The following ZNF280D variants were observed in gnomAD, a reference collection of about 807,000 sequenced individuals.
ZNF280D encodes zinc finger protein 280D.
ZNF280D carries 39 observed loss-of-function variants against 94.7 expected under a neutral mutation model. That is an observed-to-expected ratio of 0.41 (90% CI 0.32 to 0.54). The LOEUF (loss-of-function observed/expected upper bound fraction) is 0.54, where lower values mean the gene tolerates loss of function less well. ZNF280D is among the 20% of genes least tolerant of loss of function. The pLI, the probability that ZNF280D is intolerant of heterozygous loss-of-function variation, is 0.22. For synonymous variants in ZNF280D, 398 were observed against 377.6 expected (o/e 1.05, Z -0.63); for missense variants, 1,090 against 1,149.3 (o/e 0.95, Z 0.75).
intron 13 of ZNF280D, among the ~76,000 whole-genome samples, chr15:56,675,547 A>T (rs1395140383): frequency 6.6e-6 from 1 of 151,962 alleles, no homozygotes; most frequent in Admixed American, 6.6e-5. Context: ...GGGAGACTTG[A>T]GAGATTTACA....
chr15:56,710,648 CTTA>C (rs1204969660), intron 1 of ZNF280D, among the ~76,000 whole-genome samples: 1 of 151,518 alleles, frequency 6.6e-6, no homozygotes, highest in East Asian at 2.0e-4. Context: ...TAAACTGTAT[CTTA>C]TTTTTTCTAT....
chr15:56,683,342 A>G (rs2055769071), intron 9 of ZNF280D, among the ~76,000 whole-genome samples: 1 of 152,040 alleles, frequency 6.6e-6, no homozygotes, highest in South Asian at 2.1e-4. Flanking sequence ...TTAAGAGATG[A>G]GAACCAAGCT....
rs2057254828 is a variant in ZNF280D at position 56,704,065 on chromosome 15, T to C, written c.175+56A>G. On this transcript the variant is annotated intron_variant, in intron 4 of 21. Transcript: ENST00000267807. ...CTACCTATTAAACAGTTCACAAGTTTTTCTACTAGAAATAATACCTTATAA... is the reference window on the plus strand; with the variant it reads ...CTACCTATTAAACAGTTCACAAGTTCTTCTACTAGAAATAATACCTTATAA... 1.9e-6 allele frequency: 3 copies of C among 1,594,428 alleles called. No homozygotes were observed. The Admixed American group carries it at 5.3e-5, about 28-fold the overall frequency.
intron 4 of ZNF280D, among the ~76,000 whole-genome samples, 193 bp downstream of exon 4, chr15:56,703,928 T>C (rs2057243668): frequency 6.6e-6 from 1 of 152,112 alleles, no homozygotes; most frequent in Admixed American, 6.5e-5. Context: ...ACCTCCAGGG[T>C]CACCAGCTAA....
chr15:56,677,521 C>T, intron 12 of ZNF280D, 53 bp downstream of exon 12: 2 of 1,372,548 alleles, frequency 1.5e-6, no homozygotes, highest in South Asian at 2.3e-5. Flanking sequence ...AATTTTATAA[C>T]CAAAACAACA....
chr15:56,679,669 A>G (rs1234477798), intron 10 of ZNF280D, among the ~76,000 whole-genome samples: 2 of 152,214 alleles, frequency 1.3e-5, no homozygotes, highest in Non-Finnish European at 2.9e-5. Context: ...AAAAACAATA[A>G]TTTTTAGACT....
intron 20 of ZNF280D, among the ~76,000 whole-genome samples, chr15:56,637,632 C>A (rs2052419011): frequency 6.6e-6 from 1 of 152,120 alleles, no homozygotes; most frequent in Admixed American, 6.5e-5. Context: ...TAATTCATAT[C>A]ATCCGTTTCC....
intron 1 of ZNF280D, among the ~76,000 whole-genome samples, 194 bp from the exon 2 acceptor site, chr15:56,707,500 A>G (rs2057480277): frequency 6.6e-6 from 1 of 152,180 alleles, no homozygotes; most frequent in Non-Finnish European, 1.5e-5. Flanking sequence ...CTTGGCACTT[A>G]ATACTCGAAG....
intron 6 of ZNF280D, among the ~76,000 whole-genome samples, chr15:56,696,426 G>T (rs966281675): frequency 3.3e-5 from 5 of 152,136 alleles, no homozygotes; most frequent in Non-Finnish European, 7.4e-5. Flanking sequence ...GTAAACTAAG[G>T]TTAGGTGGGG....
At chr15:56,658,695 G>C (rs530086378) in intron 16 of ZNF280D, among the ~76,000 whole-genome samples, 6 of 151,796 alleles carry the variant, frequency 4.0e-5, no homozygotes, top group African/African-American at 1.2e-4. Flanking sequence ...TATTTTCCTA[G>C]GCATATTCTT....
intron 1 of ZNF280D, among the ~76,000 whole-genome samples, chr15:56,725,557 T>C (rs1285043913): frequency 2.0e-5 from 3 of 152,132 alleles, no homozygotes; most frequent in Non-Finnish European, 4.4e-5. Context: ...ATTCAACCTG[T>C]TGCACTACAC....
At chr15:56,673,682 A>G (rs978866129) in intron 13 of ZNF280D, among the ~76,000 whole-genome samples, 1 of 151,862 alleles carries the variant, frequency 6.6e-6, no homozygotes, top group East Asian at 1.9e-4. Context: ...CCTGCATTCT[A>G]TTGCTATAAC....
chr15:56,671,182 C>T (rs2054840125), intron 13 of ZNF280D, among the ~76,000 whole-genome samples: 1 of 152,018 alleles, frequency 6.6e-6, no homozygotes, highest in South Asian at 2.1e-4. Context: ...AATTAGATCT[C>T]ATGTGTCAAT....
At chr15:56,698,740 T>G (rs984426764) in intron 6 of ZNF280D, 10 of 152,156 alleles carry the variant, frequency 6.6e-5, no homozygotes, top group African/African-American at 1.9e-4. Context: ...AAGGACTCAC[T>G]CTCACCTGCT....
At position 56,722,240 on chromosome 15, in the gene ZNF280D, AAT is replaced by A. The variant is rs2058405819; in HGVS notation, c.-86+11216_-86+11217del. On this transcript the variant is annotated intron_variant, in intron 1 of 21. Coordinates refer to ENST00000267807, the MANE Select transcript of ZNF280D (RefSeq NM_017661.4). ...TCACTGATCAGAAATCACCATAACAAATATAATAATTTAAAGTCTGAAATATT... is the reference window on the plus strand; with the variant it reads ...TCACTGATCAGAAATCACCATAACAAATAATAATTTAAAGTCTGAAATATT... 2.0e-5 allele frequency among the ~76,000 whole-genome samples: 3 copies of A among 152,324 alleles called. No individual in the cohort carries two copies. In the South Asian group the frequency reaches 6.2e-4, roughly 32 times the overall value.
intron 5 of ZNF280D, 32 bp from the exon 6 acceptor site, chr15:56,701,104 T>G (rs200236825): frequency 6.2e-7 from 1 of 1,612,476 alleles, no homozygotes. Flanking sequence ...TATATGGAAA[T>G]TATTTGTACA....
At chr15:56,685,749 C>T (rs886227284) in intron 9 of ZNF280D, among the ~76,000 whole-genome samples, 2 of 152,094 alleles carry the variant, frequency 1.3e-5, no homozygotes, top group African/African-American at 2.4e-5. Context: ...GAGAACAAAA[C>T]TACAACTCTC....
At chr15:56,681,399 A>G (rs1341392068) in intron 10 of ZNF280D, among the ~76,000 whole-genome samples, 1 of 152,212 alleles carries the variant, frequency 6.6e-6, no homozygotes, top group Non-Finnish European at 1.5e-5. Flanking sequence ...GATAGTTCTA[A>G]GAAGGATGAA....
chr15:56,662,995 A>G (rs1487892511), intron 16 of ZNF280D, among the ~76,000 whole-genome samples: 2 of 151,848 alleles, frequency 1.3e-5, no homozygotes, highest in African/African-American at 4.8e-5. Flanking sequence ...GAAAACAAAC[A>G]TGGGGCCAGG....
Sources: allele counts gnomAD v4.1 joint callset (sites outside exome capture counted in the v4.1 genomes callset), GRCh38; gene constraint gnomAD v4.1.1; transcripts MANE v1.5; gene names NCBI Gene and HGNC (gene_info 2026-07-23, HGNC 2026-07-21).